The following COL6A5 variants were observed in gnomAD, a reference collection of about 807,000 sequenced individuals.
COL6A5 encodes collagen type VI alpha 5 chain, also known as collagen alpha-5(VI) chain.
In COL6A5, 48 loss-of-function variants were observed where a neutral mutation model predicts 65.6. The observed-to-expected ratio is 0.73, with a 90% CI of 0.58 to 0.93. The LOEUF (loss-of-function observed/expected upper bound fraction) is 0.93, where lower values mean the gene tolerates loss of function less well. Ranked by LOEUF, COL6A5 falls within the 40% of genes least tolerant of loss-of-function variation. The pLI, the probability that COL6A5 is intolerant of heterozygous loss-of-function variation, is 0.00. For synonymous variants in COL6A5, 291 were observed against 322.8 expected (o/e 0.90, Z 1.05); for missense variants, 914 against 928.3 (o/e 0.98, Z 0.20).
At chr3:130,426,425 AG>A in intron 31 of COL6A5, 22 bp downstream of exon 31, 2 of 1,550,744 alleles carry the variant, frequency 1.3e-6, no homozygotes, top group Non-Finnish European at 1.7e-6. Flanking sequence ...TTACGGAACA[AG>A]AGCATCCATC....
rs1194216459 is a variant in COL6A5 at position 130,440,164 on chromosome 3, A to G, written c.582-2A>G. Reference sequence around the variant, plus strand: ...ATGATGTGTCTCTCTGTGTGTTTTCAGATAAATGTTTTCCAAATGCTTGCA... The same window carrying G: ...ATGATGTGTCTCTCTGTGTGTTTTCGGATAAATGTTTTCCAAATGCTTGCA... On this transcript the variant is annotated splice_acceptor_variant, in intron 2 of 7. Transcript: ENST00000512836. LOFTEE classifies it high-confidence loss of function. 6.2e-7 allele frequency: 1 copy of G among 1,606,568 alleles called. No individual in the cohort carries two copies. The highest frequency in any genetic ancestry group is 2.2e-5 in the East Asian group (1 of 44,560).
exon 8 of COL6A5, chr3:130,484,393 T>C (rs901879196): frequency 2.4e-6 from 1 of 408,658 alleles, no homozygotes; most frequent in Non-Finnish European, 4.3e-6. Context: ...ATTGTCATTA[T>C]TTTCAACACA....
chr3:130,397,684 A>G (rs1437959647), exon 9 of COL6A5: 2 of 1,551,616 alleles, frequency 1.3e-6, no homozygotes, highest in East Asian at 2.4e-5. Flanking sequence ...CCTCCCAGGC[A>G]TCTTAGAAGA....
intron 17 of COL6A5, among the ~76,000 whole-genome samples, chr3:130,407,417 G>C (rs1410955134): frequency 6.6e-6 from 1 of 152,188 alleles, no homozygotes; most frequent in African/African-American, 2.4e-5. Context: ...TTACATTTTA[G>C]AAATATTACT....
intron 7 of COL6A5, chr3:130,476,831 G>A (rs979705507): frequency 4.6e-6 from 3 of 647,726 alleles, no homozygotes; most frequent in Non-Finnish European, 5.7e-6. Context: ...CTGTTGTAAT[G>A]ATATTATATA....
rs1416011572 is a variant in COL6A5, at chr3:130,471,928, T to C, written c.2328+961T>C. On this transcript the variant is annotated intron_variant, in intron 7 of 7. Coordinates refer to ENST00000512836, the Ensembl canonical transcript of COL6A5. ...TTGATAAACAGCAAGAAAAAGAAGGTAATCGTGAGTACCATAGAGCTGAAG... is the reference window on the plus strand; with the variant it reads ...TTGATAAACAGCAAGAAAAAGAAGGCAATCGTGAGTACCATAGAGCTGAAG... The C allele has an allele frequency of 6.5e-7, 1 of 1,534,112 alleles. No individual in the cohort carries two copies. The highest frequency in any genetic ancestry group is 1.2e-5 in the South Asian group (1 of 83,940).
rs1191879793 is a variant in COL6A5, at chr3:130,421,137, T to C, written c.4951-16T>C. 10 of 1,549,482 alleles carry C rather than the reference T, an allele frequency of 6.5e-6. No homozygotes were observed. Among genetic ancestry groups the C allele is most frequent in the Non-Finnish European group, 4.4e-6 (5 of 1,145,630 alleles). On this transcript the variant is annotated splice_polypyrimidine_tract_variant and intron_variant and NMD_transcript_variant, in intron 25 of 41. Transcript: ENST00000312481. ...CCACCTTTGAGAAATTGAAAAAAAC[T>C]GGTGTGTTTACACAGGGAGATTCTG...
At chr3:130,362,082 A>G (rs1269609103) in intron 1 of COL6A5, among the ~76,000 whole-genome samples, 1 of 150,818 alleles carries the variant, frequency 6.6e-6, no homozygotes, top group Non-Finnish European at 1.5e-5. Flanking sequence ...TTCATTAATT[A>G]TTTTTTTTCA....
In COL6A5 at chr3:130,451,309, G is replaced by T. The variant is rs545245575; in HGVS notation, c.1333-4146G>T. ...AGTTGGCGTAGAAGTGACAGGAAAA[G>T]CATGTATAGATAAGGGAAACTGAGG... On this transcript the variant is annotated intron_variant, in intron 4 of 7. Transcript: ENST00000512836. Among the ~76,000 whole-genome samples, 11 of 152,264 alleles carry T rather than the reference G, an allele frequency of 7.2e-5. No individual in the cohort carries two copies. In the South Asian group the frequency reaches 2.3e-3, roughly 32 times the overall value.
At chr3:130,406,305 GT>G in exon 17 of COL6A5, 1 of 1,549,972 alleles carries the variant, frequency 6.5e-7, no homozygotes, top group Non-Finnish European at 8.7e-7. Flanking sequence ...GGAGAAAAAG[GT>G]GATCCAGGAT....
intron 1 of COL6A5, among the ~76,000 whole-genome samples, chr3:130,432,634 G>A (rs1384045390): frequency 1.3e-5 from 2 of 151,548 alleles, no homozygotes; most frequent in South Asian, 2.1e-4. Flanking sequence ...ATTGAGATTC[G>A]AACTTAGGTC....
At chr3:130,405,936 C>A in intron 14 of COL6A5, 57 bp from the exon 15 acceptor site, 1 of 1,510,476 alleles carries the variant, frequency 6.6e-7, no homozygotes, top group Middle Eastern at 1.7e-4. Flanking sequence ...GAGAGGCAGT[C>A]TTTGAATCCA....
At chr3:130,396,885 T>C (rs916052743) in intron 8 of COL6A5, among the ~76,000 whole-genome samples, 2 of 152,358 alleles carry the variant, frequency 1.3e-5, no homozygotes, top group Non-Finnish European at 1.5e-5. Context: ...TTTTTTGAGA[T>C]GGAGTCTCGC....
At chr3:130,447,348 G>T (rs1005073954) in intron 4 of COL6A5, among the ~76,000 whole-genome samples, 1 of 152,078 alleles carries the variant, frequency 6.6e-6, no homozygotes, top group African/African-American at 2.4e-5. Context: ...TAGGATTAAC[G>T]CCAGGTCCCT....
At chr3:130,359,030 A>G (rs975514782) in intron 1 of COL6A5, among the ~76,000 whole-genome samples, 9 of 152,186 alleles carry the variant, frequency 5.9e-5, no homozygotes, top group African/African-American at 2.2e-4. Flanking sequence ...ATAGTCAACA[A>G]TGAGTAGGCA....
rs773666250 is a variant in COL6A5, at chr3:130,398,078, C to T, written c.3958C>T (p.Leu1320Phe). ...TCTCCAGAGTGAAAGCAACATAATG[C>T]TTGAAAATCAATCAGACAGGCTCAG... Residue 1320 changes from leucine (L) to phenylalanine (F), a missense_variant and NMD_transcript_variant, in exon 10 of 42, where the codon CTT (leucine) becomes TTT (phenylalanine). By Grantham distance (22) the Leu-to-Phe change is conservative (BLOSUM62 0). Coordinates refer to the COL6A5 transcript ENST00000312481. 4 of 1,548,512 alleles carry T rather than the reference C, an allele frequency of 2.6e-6. No individual in the cohort carries two copies. The Middle Eastern group carries it at 5.0e-4, about 194-fold the overall frequency.
rs760967939 is a variant in COL6A5, at chr3:130,376,730, C to T, written c.561C>T (p.Phe187=). Residue 187 remains phenylalanine (F), a synonymous_variant and NMD_transcript_variant, in exon 3 of 42, where the codon TTC becomes TTT. Coordinates refer to the COL6A5 transcript ENST00000312481. ...CCATGGCCACATCCCATTTCCATTT[C>T]AACCTTCGGACAATCAGAGACCTCA... 4 of 1,613,724 alleles carry T rather than the reference C, an allele frequency of 2.5e-6. No homozygotes were observed. The Admixed American group carries it at 5.0e-5, about 20-fold the overall frequency.
At chr3:130,451,555 TTG>T (rs1709437314) in intron 4 of COL6A5, among the ~76,000 whole-genome samples, 1 of 152,004 alleles carries the variant, frequency 6.6e-6, no homozygotes, top group Non-Finnish European at 1.5e-5. Flanking sequence ...AAATTGTACT[TTG>T]GTCCCAGAGC....
In COL6A5 at chr3:130,397,934, T is replaced by A; in HGVS notation, c.3909+11T>A. ...GCATCCCGGGGCCAGGTATCCATAT[T>A]ACATTCTATCTCCCATCTCCACATT... On this transcript the variant is annotated intron_variant and NMD_transcript_variant, in intron 9 of 41. Coordinates refer to the COL6A5 transcript ENST00000312481. 6.5e-7 allele frequency: 1 copy of A among 1,549,090 alleles called. No homozygotes were observed.
Sources: gnomAD v4.1 joint callset for allele counts (sites outside exome capture counted in the v4.1 genomes callset) on GRCh38, gnomAD v4.1.1 for gene constraint, MANE v1.5 for transcripts, NCBI Gene and HGNC (gene_info 2026-07-23, HGNC 2026-07-21) for gene names.